CFAP61: variants seen among roughly 807,000 people sequenced by gnomAD.
CFAP61 encodes the protein cilia and flagella associated protein 61.
A neutral mutation model predicts 135.6 loss-of-function variants in CFAP61; 107 were observed. The observed-to-expected ratio is 0.79, with a 90% CI of 0.67 to 0.93. The LOEUF is 0.93. CFAP61 is among the 40% of genes least tolerant of loss of function. The probability of loss-of-function intolerance (pLI) is 0.00; values close to 1 mark genes in which losing one functional copy is unlikely to be tolerated. For missense variants in CFAP61, 1,507 were observed against 1,556.2 expected (o/e 0.97, Z 0.53); for synonymous variants, 575 against 578.5 (o/e 0.99, Z 0.09).
intron 13 of CFAP61, among the ~76,000 whole-genome samples, chr20:20,170,540 A>G (rs1025598296): frequency 1.3e-5 from 2 of 152,208 alleles, no homozygotes; most frequent in African/African-American, 4.8e-5. Context: ...AAATGTTCTG[A>G]GGCTCATCAA....
chr20:20,296,347 C>CCTTCCTTCCTTCCCTTCCTTCCTTGCTTT (rs2055574383), intron 24 of CFAP61, among the ~76,000 whole-genome samples: 1 of 83,688 alleles, frequency 1.2e-5, no homozygotes, highest in Non-Finnish European at 2.4e-5. Context: ...TTCCTTGCTT[C>CCTTCCTTCCTTCCCTTCCTTCCTTGCTTT]CTTCCTTCTT....
chr20:20,065,318 A>G (rs1057001562), intron 2 of CFAP61, among the ~76,000 whole-genome samples: 5 of 151,870 alleles, frequency 3.3e-5, no homozygotes, highest in Admixed American at 1.3e-4. Context: ...CCTGCATTCA[A>G]TCCACTCTTC....
chr20:20,064,338 T>G (rs890503695), intron 2 of CFAP61, among the ~76,000 whole-genome samples: 1 of 152,216 alleles, frequency 6.6e-6, no homozygotes, highest in Non-Finnish European at 1.5e-5. Flanking sequence ...ACAATTTATT[T>G]TTTCCTCATT....
chr20:20,144,275 T>C (rs187909283), intron 9 of CFAP61, among the ~76,000 whole-genome samples: 1 of 152,304 alleles, frequency 6.6e-6, no homozygotes, highest in Admixed American at 6.5e-5. Context: ...AGTTGAAACC[T>C]ACATACATAT....
chr20:20,310,983 C>T (rs1164591213), intron 25 of CFAP61, among the ~76,000 whole-genome samples: 1 of 152,214 alleles, frequency 6.6e-6, no homozygotes, highest in Admixed American at 6.5e-5. Context: ...ACGTCCTGCA[C>T]AGGGCTGTCT....
chr20:20,191,786 T>TTG (rs2055940973), intron 15 of CFAP61, among the ~76,000 whole-genome samples: 1 of 148,950 alleles, frequency 6.7e-6, no homozygotes, highest in East Asian at 2.9e-4. Context: ...ATTACATATA[T>TTG]CGTGTGTGTG....
intron 16 of CFAP61, among the ~76,000 whole-genome samples, chr20:20,197,191 A>T (rs920957475): frequency 1.3e-5 from 2 of 152,226 alleles, no homozygotes; most frequent in East Asian, 3.8e-4. Flanking sequence ...GAAGACTGGC[A>T]TGCTATCCCA....
At chr20:20,339,572 C>T (rs147469150) in intron 25 of CFAP61, among the ~76,000 whole-genome samples, 39 of 152,202 alleles carry the variant, frequency 2.6e-4, no homozygotes, top group East Asian at 1.2e-3. Flanking sequence ...TGGGCTCAAG[C>T]GATCCTCCCA....
At chr20:20,086,476 G>C (rs996063730) in intron 6 of CFAP61, among the ~76,000 whole-genome samples, 1 of 151,770 alleles carries the variant, frequency 6.6e-6, no homozygotes, top group African/African-American at 2.4e-5. Flanking sequence ...CTTCATCCAT[G>C]TCCCTACAAA....
At chr20:20,318,584 C>T (rs1239548836) in intron 25 of CFAP61, among the ~76,000 whole-genome samples, 1 of 152,158 alleles carries the variant, frequency 6.6e-6, no homozygotes, top group Admixed American at 6.5e-5. Flanking sequence ...TGGGATTGGC[C>T]TCCCCTGATG....
intron 8 of CFAP61, among the ~76,000 whole-genome samples, chr20:20,118,311 T>TTTTCA (rs2049334702): frequency 6.7e-6 from 1 of 149,308 alleles, no homozygotes; most frequent in East Asian, 2.0e-4. Context: ...CTTTCTTTTC[T>TTTTCA]TTCTTTCTGT....
intron 21 of CFAP61, among the ~76,000 whole-genome samples, chr20:20,268,563 T>C (rs1052059231): frequency 6.6e-5 from 10 of 152,152 alleles, no homozygotes; most frequent in African/African-American, 2.2e-4. Flanking sequence ...GAGGACATGG[T>C]TTTCCGGGCT....
At chr20:20,130,928 T>G (rs1490838262) in intron 8 of CFAP61, among the ~76,000 whole-genome samples, 1 of 151,876 alleles carries the variant, frequency 6.6e-6, no homozygotes, top group Non-Finnish European at 1.5e-5. Context: ...GTATACCTGA[T>G]GCCTTCCATG....
At chr20:20,342,989 T>C (rs529836370) in intron 26 of CFAP61, among the ~76,000 whole-genome samples, 11 of 152,002 alleles carry the variant, frequency 7.2e-5, no homozygotes, top group African/African-American at 2.2e-4. Context: ...GCCTCCCGAG[T>C]AGCTGGGATT....
chr20:20,200,126 G>A (rs2056535727), intron 17 of CFAP61, among the ~76,000 whole-genome samples: 1 of 152,248 alleles, frequency 6.6e-6, no homozygotes, highest in Admixed American at 6.5e-5. Context: ...ACCCTGCAGG[G>A]TCATGCCATG....
chr20:20,053,962 A>G (rs1406956956), intron 1 of CFAP61, among the ~76,000 whole-genome samples: 1 of 120,538 alleles, frequency 8.3e-6, no homozygotes, highest in Non-Finnish European at 1.7e-5. Context: ...TCTCTCTTAC[A>G]TTTCTGTTGT....
chr20:20,191,313 G>C (rs368659434), intron 14 of CFAP61, 29 bp from the exon 15 acceptor site: 210 of 1,579,722 alleles, frequency 1.3e-4, no homozygotes, highest in South Asian at 8.8e-4. Flanking sequence ...TATTTTTAAG[G>C]GTCTTAAAAT....
intron 5 of CFAP61, 116 bp downstream of exon 5, chr20:20,075,372 G>A: frequency 2.1e-6 from 3 of 1,421,914 alleles, no homozygotes; most frequent in Non-Finnish European, 2.9e-6. Flanking sequence ...AATGTACCAT[G>A]TGCATATTTT....
At chr20:20,217,531 A>C (rs992038841) in intron 17 of CFAP61, among the ~76,000 whole-genome samples, 1 of 152,240 alleles carries the variant, frequency 6.6e-6, no homozygotes, top group African/African-American at 2.4e-5. Context: ...TCTGTGGAAC[A>C]GCACTCACTT....
Sources: allele counts gnomAD v4.1 joint callset (sites outside exome capture counted in the v4.1 genomes callset), GRCh38; gene constraint gnomAD v4.1.1; transcripts MANE v1.5; gene names NCBI Gene and HGNC (gene_info 2026-07-23, HGNC 2026-07-21).